LRRC40: variants seen among roughly 807,000 people sequenced by gnomAD.
LRRC40 encodes leucine-rich repeat-containing protein 40.
LRRC40 carries 76 observed loss-of-function variants against 72.8 expected under a neutral mutation model. That is an observed-to-expected ratio of 1.04 (90% CI 0.87 to 1.26). The LOEUF (loss-of-function observed/expected upper bound fraction) is 1.26, where lower values mean the gene tolerates loss of function less well. Among genes scored for constraint, LRRC40 ranks in the 50% most tolerant of loss-of-function variants. The pLI, the probability that LRRC40 is intolerant of heterozygous loss-of-function variation, is 0.00. For synonymous variants in LRRC40, 243 were observed against 254.2 expected, an observed-to-expected ratio of 0.96 and a Z score of 0.42; for missense variants, 684 against 698.9, an observed-to-expected ratio of 0.98 and a Z score of 0.24.
At chr1:70,176,013 T>G (rs377443300) in intron 6 of LRRC40, 31 bp from the exon 7 acceptor site, 187 of 1,384,582 alleles carry the variant, frequency 1.4e-4, no homozygotes, top group Non-Finnish European at 1.8e-4. Context: ...TATGTGTATC[T>G]CTGTATTCAA....
chr1:70,180,471 A>C (rs1448503275), intron 5 of LRRC40: 1 of 152,210 alleles, frequency 6.6e-6, no homozygotes, highest in Admixed American at 6.5e-5. Context: ...AACAAACAAA[A>C]AAATCACTAA....
At chr1:70,193,401 T>C (rs1262227261) in intron 1 of LRRC40, among the ~76,000 whole-genome samples, 28 of 148,092 alleles carry the variant, frequency 1.9e-4, no homozygotes, top group Admixed American at 1.9e-3. Flanking sequence ...ATCCCTAGAA[T>C]AGAAAAAAAA....
intron 14 of LRRC40, chr1:70,146,990 G>A (rs1350817948): frequency 6.6e-6 from 1 of 151,954 alleles, no homozygotes; most frequent in Non-Finnish European, 1.5e-5. Flanking sequence ...TCTGTTTCTT[G>A]GGAATTCTTT....
rs764896927 is a variant in LRRC40 at position 70,184,296 on chromosome 1, T to C, written c.537+489A>G. ...AATATGACTAAAATAATATTTGTAT[T>C]GCTTTACAGTTATCTCTATTTAAGG... On this transcript the variant is annotated intron_variant, in intron 4 of 14. Coordinates refer to ENST00000370952, the MANE Select transcript of LRRC40 (RefSeq NM_017768.5). Among the ~76,000 whole-genome samples the C allele has an allele frequency of 1.1e-4, 16 of 152,168 alleles. 1 individual carries two copies. The highest frequency in any genetic ancestry group is 7.3e-5 in the Non-Finnish European group (5 of 68,032).
At chr1:70,167,498 T>C (rs1392069875) in intron 9 of LRRC40, among the ~76,000 whole-genome samples, 1 of 151,962 alleles carries the variant, frequency 6.6e-6, no homozygotes, top group African/African-American at 2.4e-5. Context: ...AGGCGGAGGA[T>C]GCAGTGAGCT....
chr1:70,201,321 G>T (rs1413136696), intron 1 of LRRC40, among the ~76,000 whole-genome samples: 1 of 152,162 alleles, frequency 6.6e-6, no homozygotes, highest in Non-Finnish European at 1.5e-5. Context: ...GGACAAGTTA[G>T]TAAGTTTATA....
chr1:70,184,356 A>C (rs1668314751), intron 4 of LRRC40, among the ~76,000 whole-genome samples: 1 of 152,192 alleles, frequency 6.6e-6, no homozygotes, highest in Admixed American at 6.5e-5. Context: ...TTTGCCAGGA[A>C]GTGTGGCCAT....
In LRRC40 at chr1:70,173,696, A is replaced by G. The variant is rs138993726; in HGVS notation, c.991T>C (p.Leu331=). 2 of 1,524,832 alleles carry G rather than the reference A, an allele frequency of 1.3e-6. No homozygotes were observed. Among genetic ancestry groups the G allele is most frequent in the African/African-American group, 1.4e-5 (1 of 72,556 alleles). 94.5% of individuals were successfully genotyped at this position (1,524,832 alleles called of 1,614,324 possible). ...NNDISSLPYS[L]GNLHLKFLAL... The stretch of plus-strand genomic sequence containing the variant: ...AAAAATTTCAAATGAAGGTTCCCCA[A>G]TGAATAGGGAAGACTATAAAAGATT... Residue 331 remains leucine (L), a synonymous_variant, in exon 8 of 15, where the codon TTG becomes CTG. Coordinates refer to ENST00000370952, the MANE Select transcript of LRRC40 (RefSeq NM_017768.5).
At chr1:70,155,826 C>A (rs776171725) in intron 10 of LRRC40, 30 bp from the exon 11 acceptor site, 1 of 1,008,370 alleles carries the variant, frequency 9.9e-7, no homozygotes, top group South Asian at 1.8e-5. Flanking sequence ...AAAAAACGAA[C>A]CATTCTTAGC....
chr1:70,146,047 CAG>C (rs1186251392), intron 14 of LRRC40, 142 bp from the exon 15 acceptor site: 4 of 532,498 alleles, frequency 7.5e-6, no homozygotes, highest in East Asian at 6.4e-5. Context: ...TTTTTTGAGA[CAG>C]AGTCTCACTC....
At chr1:70,191,894 G>T (rs1668508664) in intron 1 of LRRC40, among the ~76,000 whole-genome samples, 1 of 152,122 alleles carries the variant, frequency 6.6e-6, no homozygotes, top group East Asian at 1.9e-4. Context: ...AATGAAATCA[G>T]GTGGTGTGAT....
At chr1:70,153,428 AAAAG>A (rs1214118639) in intron 11 of LRRC40, among the ~76,000 whole-genome samples, 3 of 152,172 alleles carry the variant, frequency 2.0e-5, no homozygotes, top group Admixed American at 6.5e-5. Context: ...AAAGAAAAAA[AAAAG>A]AAAGGATATA....
chr1:70,188,578 CAA>C (rs920433396), intron 2 of LRRC40, among the ~76,000 whole-genome samples: 31 of 149,966 alleles, frequency 2.1e-4, no homozygotes, highest in South Asian at 6.4e-4. Flanking sequence ...TCTACACACA[CAA>C]AAAAAAATAG....
rs1228562496 is a variant in LRRC40, at chr1:70,189,150, T to C, written c.275A>G (p.Asn92Ser). The change falls in exon 2 of 15, where the codon AAT becomes AGT. Residue 92 changes from asparagine (N) to serine (S), a missense_variant. Physicochemically the swap from Asn to Ser is conservative, Grantham distance 46. Coordinates refer to ENST00000370952, the MANE Select transcript of LRRC40 (RefSeq NM_017768.5). ...TDLTKLIISN[N>S]KLQSLTDDLR... ...GTCATCTGTAAGTGACTGAAGTTTA[T>C]TGTTTGATATTATTAGTTTGGTCAA... The C allele has an allele frequency of 2.5e-6, 4 of 1,613,906 alleles. No individual in the cohort carries two copies. Among genetic ancestry groups the C allele is most frequent in the Non-Finnish European group, 3.4e-6 (4 of 1,179,974 alleles).
chr1:70,203,325 T>C (rs1197105764), intron 1 of LRRC40, among the ~76,000 whole-genome samples: 1 of 152,222 alleles, frequency 6.6e-6, no homozygotes, highest in African/African-American at 2.4e-5. Flanking sequence ...TTAAACGTTT[T>C]GAGTGATGTA....
chr1:70,145,573 T>C lies in LRRC40; in HGVS notation c.*227A>G, dbSNP rs1358840817. 3 of 318,018 alleles carry C rather than the reference T, an allele frequency of 9.4e-6. No homozygotes were observed. The highest frequency in any genetic ancestry group is 1.7e-5 in the Non-Finnish European group (3 of 175,336). The allele number at this position is 318,018 out of a possible 1,614,324, so 19.7% of individuals were successfully genotyped here. A position where few individuals can be genotyped will look rare whatever the true frequency, so the allele number is the denominator to read the frequency against. ...ATGAACACATTGTGGTTATCACCATTACAAATGTATACAACACCTTACAAA... is the reference window on the plus strand; with the variant it reads ...ATGAACACATTGTGGTTATCACCATCACAAATGTATACAACACCTTACAAA... On this transcript the variant is annotated 3_prime_UTR_variant, in exon 15 of 15. Transcript: ENST00000370952.
intron 1 of LRRC40, among the ~76,000 whole-genome samples, chr1:70,199,155 T>G (rs897238677): frequency 2.0e-5 from 3 of 149,986 alleles, no homozygotes; most frequent in African/African-American, 7.4e-5. Flanking sequence ...CCTGTCTCAA[T>G]CAATAAATAA....
intron 7 of LRRC40, among the ~76,000 whole-genome samples, chr1:70,173,972 TA>T (rs1272918767): frequency 6.6e-6 from 1 of 152,012 alleles, no homozygotes; most frequent in Non-Finnish European, 1.5e-5. Flanking sequence ...TAACATTTGC[TA>T]AAAAAGTAAA....
At chr1:70,189,995 A>G (rs116170514) in intron 1 of LRRC40, among the ~76,000 whole-genome samples, 1,884 of 152,324 alleles carry the variant, frequency 0.012, 17 homozygotes, top group Middle Eastern at 0.02. Flanking sequence ...ATGGCACCAT[A>G]CAACACTGTG....
Sources: gnomAD v4.1 joint callset for allele counts (sites outside exome capture counted in the v4.1 genomes callset) on GRCh38, gnomAD v4.1.1 for gene constraint, MANE v1.5 for transcripts, NCBI Gene and HGNC (gene_info 2026-07-23, HGNC 2026-07-21) for gene names.